The following MYO16 variants were observed in gnomAD, a reference collection of about 807,000 sequenced individuals.
MYO16 encodes unconventional myosin-XVI.
Under a neutral mutation model 205.3 loss-of-function variants are expected in MYO16, and 94 were observed. The ratio of observed to expected loss-of-function variants is 0.46; its 90% confidence interval spans 0.39 to 0.54. The LOEUF (loss-of-function observed/expected upper bound fraction) is 0.54. Among genes scored for constraint, MYO16 ranks in the 20% least tolerant of loss-of-function variants. The pLI, the probability that MYO16 is intolerant of heterozygous loss-of-function variation, is 0.00. For missense variants in MYO16, 2,315 were observed against 2,387.5 expected, an observed-to-expected ratio of 0.97 and a Z score of 0.63; for synonymous variants, 988 against 954.0, an observed-to-expected ratio of 1.04 and a Z score of -0.66.
At chr13:109,201,290 C>T (rs996825548) in intron 34 of MYO16, among the ~76,000 whole-genome samples, 2 of 152,040 alleles carry the variant, frequency 1.3e-5, no homozygotes, top group African/African-American at 2.4e-5. Flanking sequence ...ACTGCTAGAA[C>T]CTTAAGACCT....
intron 9 of MYO16, among the ~76,000 whole-genome samples, chr13:108,827,622 C>T (rs1876346588): frequency 6.6e-6 from 1 of 152,140 alleles, no homozygotes; most frequent in South Asian, 2.1e-4. Context: ...AAGGCCCTTC[C>T]ACCTGTAACA....
At chr13:109,110,570 GAATAGTCTATTTAT>G (rs1378844094) in intron 28 of MYO16, among the ~76,000 whole-genome samples, 1 of 152,124 alleles carries the variant, frequency 6.6e-6, no homozygotes, top group African/African-American at 2.4e-5. Context: ...TAAACTTCAG[GAATAGTCTATTTAT>G]AACAAAGAGA....
chr13:108,734,290 G>A (rs1276690526), intron 4 of MYO16, among the ~76,000 whole-genome samples: 2 of 151,688 alleles, frequency 1.3e-5, no homozygotes, highest in Non-Finnish European at 2.9e-5. Context: ...GCATTGCCCT[G>A]TTATATATCA....
At chr13:108,756,549 T>A (rs187667651) in intron 4 of MYO16, among the ~76,000 whole-genome samples, 42 of 152,274 alleles carry the variant, frequency 2.8e-4, no homozygotes, top group African/African-American at 8.9e-4. Context: ...TCATTTATAT[T>A]TTATTAGAGG....
At chr13:108,810,009 C>G (rs1289104682) in intron 7 of MYO16, among the ~76,000 whole-genome samples, 1 of 152,146 alleles carries the variant, frequency 6.6e-6, no homozygotes, top group Non-Finnish European at 1.5e-5. Flanking sequence ...GTGTATGGAT[C>G]ATCAGTCAGC....
chr13:108,671,546 G>A (rs1881989177), intron 2 of MYO16, among the ~76,000 whole-genome samples: 1 of 152,166 alleles, frequency 6.6e-6, no homozygotes, highest in Non-Finnish European at 1.5e-5. Flanking sequence ...TGAAGAAATA[G>A]TTGACTCCTA....
chr13:108,969,196 T>C lies in MYO16; in HGVS notation c.2369+4294T>C, dbSNP rs145825235. 3.5e-4 allele frequency among the ~76,000 whole-genome samples: 54 copies of C among 152,338 alleles called. 1 individual carries two copies. In the East Asian group the frequency reaches 0.01, roughly 29 times the overall value. On this transcript the variant is annotated intron_variant, in intron 20 of 34. Transcript: ENST00000457511. ...AGACCCATGTAGTTTATTCATAACT[T>C]GCCATCAGTTCACATTAAATTGATC...
chr13:109,084,166 T>C (rs144429647), intron 27 of MYO16, among the ~76,000 whole-genome samples: 1 of 152,322 alleles, frequency 6.6e-6, no homozygotes, highest in East Asian at 1.9e-4. Context: ...TGGGTACTTA[T>C]AAATTTTTAA....
chr13:108,646,338 C>A (rs1357076432), intron 1 of MYO16, among the ~76,000 whole-genome samples: 1 of 152,092 alleles, frequency 6.6e-6, no homozygotes, highest in Non-Finnish European at 1.5e-5. Flanking sequence ...ACCACATAAC[C>A]CCATTTTATT....
the MYO16 span, among the ~76,000 whole-genome samples, chr13:108,539,898 G>A: frequency 6.6e-6 from 1 of 151,926 alleles, no homozygotes. Context: ...TTTTTCCTTG[G>A]CTCTACACTG....
At chr13:108,704,191 C>G (rs1232073677) in intron 2 of MYO16, among the ~76,000 whole-genome samples, 1 of 152,100 alleles carries the variant, frequency 6.6e-6, no homozygotes, top group African/African-American at 2.4e-5. Flanking sequence ...CCCTAGCAAA[C>G]TACTACATTA....
intron 21 of MYO16, among the ~76,000 whole-genome samples, chr13:109,000,675 A>G (rs537296513): frequency 1.3e-5 from 2 of 152,334 alleles, no homozygotes; most frequent in East Asian, 3.9e-4. Context: ...GCTCTAAAAT[A>G]AGAGCATTTT....
intron 2 of MYO16, among the ~76,000 whole-genome samples, chr13:108,690,185 T>C (rs949399449): frequency 1.6e-4 from 24 of 152,164 alleles, no homozygotes; most frequent in African/African-American, 5.8e-4. Context: ...GTGAATCCTT[T>C]GGACTTCAGT....
chr13:109,153,094 C>T (rs183855683), intron 32 of MYO16, among the ~76,000 whole-genome samples: 27 of 152,264 alleles, frequency 1.8e-4, no homozygotes, highest in Admixed American at 1.5e-3. Flanking sequence ...GTATCCATGA[C>T]GCTCGTTCAA....
At chr13:108,946,833 C>T (rs1461005916) in intron 16 of MYO16, among the ~76,000 whole-genome samples, 2 of 152,092 alleles carry the variant, frequency 1.3e-5, no homozygotes, top group African/African-American at 4.8e-5. Flanking sequence ...CCCCAGCCTC[C>T]TAAGCCCAAG....
chr13:109,135,551 A>G (rs1945648972), intron 31 of MYO16, among the ~76,000 whole-genome samples: 1 of 151,968 alleles, frequency 6.6e-6, no homozygotes, highest in African/African-American at 2.4e-5. Context: ...TGCAGTGGCT[A>G]TTCACAGGTA....
intron 16 of MYO16, among the ~76,000 whole-genome samples, chr13:108,917,094 A>G (rs558831714): frequency 2.8e-4 from 42 of 152,336 alleles, no homozygotes; most frequent in Middle Eastern, 6.8e-3. Context: ...ACTCATGCAC[A>G]TGGCACATGC....
the MYO16 span, among the ~76,000 whole-genome samples, chr13:108,500,524 G>A: frequency 6.6e-6 from 1 of 152,022 alleles, no homozygotes; most frequent in Non-Finnish European, 1.5e-5. Context: ...CACCACGCCC[G>A]GACTTGATTA....
At chr13:108,637,576 G>A (rs1159232463) in intron 1 of MYO16, among the ~76,000 whole-genome samples, 1 of 152,020 alleles carries the variant, frequency 6.6e-6, no homozygotes, top group African/African-American at 2.4e-5. Flanking sequence ...TAATCTAAGG[G>A]CTAAAGATAT....
Sources: gnomAD v4.1 joint callset for allele counts (sites outside exome capture counted in the v4.1 genomes callset) on GRCh38, gnomAD v4.1.1 for gene constraint, MANE v1.5 for transcripts, NCBI Gene and HGNC (gene_info 2026-07-23, HGNC 2026-07-21) for gene names.